SLC20A1: variants seen among roughly 807,000 people sequenced by gnomAD.
SLC20A1 encodes the protein solute carrier family 20 member 1.
A neutral mutation model predicts 62.7 loss-of-function variants in SLC20A1; 28 were observed. The ratio of observed to expected loss-of-function variants is 0.45; its 90% CI spans 0.33 to 0.61. The LOEUF is 0.61. Ranked by LOEUF, SLC20A1 falls within the 20% of genes least tolerant of loss-of-function variation. The pLI is 0.02. For missense variants in SLC20A1, 673 were observed against 838.6 expected, an observed-to-expected ratio of 0.80 and a Z score of 2.44; for synonymous variants, 305 against 302.9, an observed-to-expected ratio of 1.01 and a Z score of -0.07.
intron 5 of SLC20A1, among the ~76,000 whole-genome samples, chr2:112,656,486 C>G (rs1391973436): frequency 6.6e-6 from 1 of 152,168 alleles, no homozygotes; most frequent in African/African-American, 2.4e-5. Flanking sequence ...CAGGCATGAG[C>G]CACCGTGCCT....
At chr2:112,654,828 G>A (rs1431959714) in intron 5 of SLC20A1, among the ~76,000 whole-genome samples, 1 of 151,014 alleles carries the variant, frequency 6.6e-6, no homozygotes, top group African/African-American at 2.4e-5. Context: ...CCTGGTAGGC[G>A]GAGGTTGCAG....
intron 6 of SLC20A1, among the ~76,000 whole-genome samples, chr2:112,657,863 A>G (rs1257249562): frequency 2.0e-5 from 3 of 152,246 alleles, no homozygotes; most frequent in African/African-American, 7.2e-5. Flanking sequence ...GGCCATTACC[A>G]CACACTCATG....
intron 6 of SLC20A1, 178 bp from the exon 7 acceptor site, chr2:112,658,647 C>A: frequency 1.4e-6 from 1 of 707,850 alleles, no homozygotes; most frequent in Non-Finnish European, 2.2e-6. Flanking sequence ...CTGGTTGTTC[C>A]CAAGTGAGAG....
chr2:112,648,515 T>C (rs1215331740), intron 4 of SLC20A1, among the ~76,000 whole-genome samples: 1 of 152,220 alleles, frequency 6.6e-6, no homozygotes, highest in Non-Finnish European at 1.5e-5. Flanking sequence ...TTAAAAGTGT[T>C]CCTAAACTGT....
At chr2:112,661,738 A>G (rs1686754299) in intron 10 of SLC20A1, among the ~76,000 whole-genome samples, 1 of 152,122 alleles carries the variant, frequency 6.6e-6, no homozygotes, top group Non-Finnish European at 1.5e-5. Context: ...TAGTAGACAC[A>G]GGATTTCACC....
chr2:112,655,158 G>A (rs548131598), intron 5 of SLC20A1, among the ~76,000 whole-genome samples: 1 of 151,912 alleles, frequency 6.6e-6, no homozygotes, highest in Non-Finnish European at 1.5e-5. Context: ...TAGTAGATAC[G>A]TGGTTTCACC....
At position 112,659,195 on chromosome 2, in the gene SLC20A1, C is replaced by G. The variant is rs780187189; in HGVS notation, c.1049-9C>G. ...TTGTATTGAATGTCACCTTGGTGAT[C>G]TTGACTAGGTGCAGTGCAGTTGCCT... On this transcript the variant is annotated splice_polypyrimidine_tract_variant and intron_variant, in intron 7 of 10. Transcript: ENST00000272542. 4 of 1,607,798 alleles carry G rather than the reference C, an allele frequency of 2.5e-6. No individual in the cohort carries two copies. Among genetic ancestry groups the G allele is most frequent in the Non-Finnish European group, 3.4e-6 (4 of 1,175,218 alleles).
At chr2:112,657,071 G>A (rs751667022) in intron 5 of SLC20A1, 51 bp from the exon 6 acceptor site, 21 of 1,612,004 alleles carry the variant, frequency 1.3e-5, no homozygotes, top group Non-Finnish European at 1.8e-5. Flanking sequence ...ACACAATATT[G>A]CAGGGGGCTG....
intron 10 of SLC20A1, among the ~76,000 whole-genome samples, chr2:112,661,845 G>C (rs1026515755): frequency 6.6e-6 from 1 of 152,134 alleles, no homozygotes; most frequent in East Asian, 1.9e-4. Context: ...CACCGCGCCC[G>C]GCCGACAGCA....
At chr2:112,652,507 A>AG in intron 4 of SLC20A1, 195 bp from the exon 5 acceptor site, 1 of 587,180 alleles carries the variant, frequency 1.7e-6, no homozygotes, top group Non-Finnish European at 3.0e-6. Flanking sequence ...AGAAAAAAAA[A>AG]CAGGTAGAAG....
Position 112,647,394 on chromosome 2 carries a change from T to C in SLC20A1, c.405T>C (p.Gly135=). The change falls in exon 3 of 11, where the codon GGT becomes GGC. Residue 135 remains glycine (G), a synonymous_variant. Transcript: ENST00000272542. ...LPISGTHCIV[G]ATIGFSLVAK... is the part of the protein sequence containing the mutation. Reference sequence around the variant, plus strand: ...TTTCTGGAACCCATTGTATTGTTGGTGCAACTATTGGTTTCTCCCTCGTGG... The same window carrying C: ...TTTCTGGAACCCATTGTATTGTTGGCGCAACTATTGGTTTCTCCCTCGTGG... 6.2e-7 allele frequency: 1 copy of C among 1,614,132 alleles called. No individual in the cohort carries two copies. Among genetic ancestry groups the C allele is most frequent in the African/African-American group, 1.3e-5 (1 of 75,048 alleles).
rs549101583 is a variant in SLC20A1, at chr2:112,663,232, C to T, written c.*207C>T. 2 of 655,956 alleles carry T rather than the reference C, an allele frequency of 3.0e-6. No individual in the cohort carries two copies. The highest frequency in any genetic ancestry group is 3.0e-5 in the South Asian group (2 of 66,652). The allele number at this position is 655,956 out of a possible 1,614,324, so 40.6% of individuals were successfully genotyped here. ...TAGCTGTGTAAAATAGCCCGGGTTCCACTGGCTCCTGCTGAGGTCCCCTTT... is the reference window on the plus strand; with the variant it reads ...TAGCTGTGTAAAATAGCCCGGGTTCTACTGGCTCCTGCTGAGGTCCCCTTT... On this transcript the variant is annotated 3_prime_UTR_variant, in exon 11 of 11. Coordinates refer to ENST00000272542, the MANE Select transcript of SLC20A1 (RefSeq NM_005415.5).
At chr2:112,662,435 G>C (rs146732567) in intron 10 of SLC20A1, among the ~76,000 whole-genome samples, 1 of 140,234 alleles carries the variant, frequency 7.1e-6, no homozygotes, top group East Asian at 2.2e-4. Flanking sequence ...CAAAAAATTA[G>C]CTAGGCGTGG....
At position 112,646,761 on chromosome 2, in the gene SLC20A1, CAT is replaced by C; in HGVS notation, c.-65_-64del. On this transcript the variant is annotated 5_prime_UTR_variant, in exon 2 of 11. Coordinates refer to ENST00000272542, the MANE Select transcript of SLC20A1 (RefSeq NM_005415.5). ...ATTTATTATAGCATTTTTGATACCT[CAT>C]ATTCTGTTTACACATCTTGAAAGGC... 1.0e-6 allele frequency: 1 copy of C among 965,424 alleles called. No homozygotes were observed. The highest frequency in any genetic ancestry group is 2.4e-5 in the East Asian group (1 of 41,592). The allele number at this position is 965,424 out of a possible 1,614,324, so 59.8% of individuals were successfully genotyped here. A position where few individuals can be genotyped will look rare whatever the true frequency, so the allele number is the denominator to read the frequency against.
In SLC20A1 at chr2:112,663,375, A is replaced by AC; in HGVS notation, c.*352dup. On this transcript the variant is annotated 3_prime_UTR_variant, in exon 11 of 11. Coordinates refer to ENST00000272542, the MANE Select transcript of SLC20A1 (RefSeq NM_005415.5). ...TGTGATTTTTTTTTCTTTTTTTTAAACCATGAAGAGCCGTTTGACAGAGCA... is the reference window on the plus strand; with the variant it reads ...TGTGATTTTTTTTTCTTTTTTTTAAACCCATGAAGAGCCGTTTGACAGAGCA... The AC allele has an allele frequency of 2.8e-6, 1 of 353,364 alleles. No homozygotes were observed. Among genetic ancestry groups the AC allele is most frequent in the Non-Finnish European group, 5.5e-6 (1 of 182,850 alleles). 21.9% of individuals were successfully genotyped at this position (353,364 alleles called of 1,614,324 possible).
intron 9 of SLC20A1, 33 bp downstream of exon 9, chr2:112,660,605 G>A (rs1172307902): frequency 7.0e-6 from 11 of 1,580,226 alleles, no homozygotes; most frequent in Admixed American, 1.9e-5. Flanking sequence ...ACAAATGTCA[G>A]TACTCATTTT....
chr2:112,660,437 A>G lies in SLC20A1; in HGVS notation c.1658A>G (p.Asp553Gly). Residue 553 changes from aspartate to glycine, a missense_variant, in exon 9 of 11, where the codon GAT becomes GGT. Asp to Gly is a moderately conservative substitution (Grantham distance 94). Transcript: ENST00000272542. ...VALYLVYDTG[D>G]VSSKVATPIW... is the part of the protein sequence containing the mutation. ...TTATATTTGGTTTATGACACAGGAG[A>G]TGTTTCTTCAAAAGTGGCAACACCA... 6.2e-7 allele frequency: 1 copy of G among 1,614,064 alleles called. No individual in the cohort carries two copies. Among genetic ancestry groups the G allele is most frequent in the Non-Finnish European group, 8.5e-7 (1 of 1,180,000 alleles).
At chr2:112,653,175 G>T in intron 5 of SLC20A1, 1 of 303,774 alleles carries the variant, frequency 3.3e-6, no homozygotes, top group Non-Finnish European at 6.5e-6. Context: ...CTGGTTTGCT[G>T]GATATTCTCA....
At chr2:112,658,741 T>G (rs1686665777) in intron 6 of SLC20A1, 84 bp from the exon 7 acceptor site, 1 of 1,439,034 alleles carries the variant, frequency 6.9e-7, no homozygotes, top group African/African-American at 1.4e-5. Context: ...TGAGATGAGT[T>G]TTTTGGGGGT....
Sources: allele counts gnomAD v4.1 joint callset (sites outside exome capture counted in the v4.1 genomes callset), GRCh38; gene constraint gnomAD v4.1.1; transcripts MANE v1.5; gene names NCBI Gene and HGNC (gene_info 2026-07-23, HGNC 2026-07-21).